Variants in NREP observed in about 807,000 individuals in gnomAD.
NREP encodes the protein neuronal regeneration related protein.
NREP carries 5 observed loss-of-function variants against 8.6 expected under a neutral mutation model. That is an observed-to-expected ratio of 0.58 (90% CI 0.30 to 1.22). The LOEUF (loss-of-function observed/expected upper bound fraction) is 1.22, where lower values mean the gene tolerates loss of function less well. Among genes scored for constraint, NREP ranks in the 50% most tolerant of loss-of-function variants. NREP has a pLI of 0.07. For synonymous variants in NREP, 27 were observed against 28.0 expected (o/e 0.96, Z 0.11); for missense variants, 86 against 82.5 (o/e 1.04, Z -0.17).
chr5:111,857,077 A>G (rs1001637688), intron 2 of NREP, among the ~76,000 whole-genome samples: 2 of 152,164 alleles, frequency 1.3e-5, no homozygotes, highest in Non-Finnish European at 2.9e-5. Context: ...GACAAAACAC[A>G]GCTGTAATAG....
intron 2 of NREP, among the ~76,000 whole-genome samples, chr5:111,885,880 C>G (rs1399695392): frequency 6.6e-6 from 1 of 152,112 alleles, no homozygotes; most frequent in Non-Finnish European, 1.5e-5. Context: ...TAGAAGAAAA[C>G]CTAGGCATTA....
intron 2 of NREP, among the ~76,000 whole-genome samples, chr5:111,781,252 G>A (rs949998776): frequency 3.3e-5 from 5 of 152,076 alleles, no homozygotes; most frequent in Non-Finnish European, 7.4e-5. Flanking sequence ...TGGTTTCTGA[G>A]GCTCGGTCAA....
intron 2 of NREP, among the ~76,000 whole-genome samples, chr5:111,840,053 T>C (rs1752989256): frequency 6.6e-6 from 1 of 152,114 alleles, no homozygotes; most frequent in Non-Finnish European, 1.5e-5. Flanking sequence ...CACAAATCAT[T>C]GTTTAGTGAT....
intron 2 of NREP, among the ~76,000 whole-genome samples, chr5:111,964,855 CAAAAAAAAAAAAAAAAAAAAAAAA>C (rs58877839): frequency 5.3e-4 from 24 of 44,884 alleles, no homozygotes; most frequent in South Asian, 1.5e-3. Flanking sequence ...CTTTCAGCAG[CAAAAAAAAAAAAAAAAAAAAAAAA>C]AAAAAAAAAA....
At chr5:111,932,650 G>T (rs1188941865) in intron 2 of NREP, among the ~76,000 whole-genome samples, 1 of 151,968 alleles carries the variant, frequency 6.6e-6, no homozygotes, top group Non-Finnish European at 1.5e-5. Context: ...GCAGGAAAAT[G>T]TTTCATCTGA....
chr5:111,843,881 G>A (rs768740724), intron 2 of NREP, among the ~76,000 whole-genome samples: 5 of 152,180 alleles, frequency 3.3e-5, no homozygotes, highest in Non-Finnish European at 5.9e-5. Context: ...GTTCACAGAG[G>A]ATAGTCTAAG....
intron 2 of NREP, among the ~76,000 whole-genome samples, chr5:111,780,529 G>A (rs1751467879): frequency 6.6e-6 from 1 of 152,110 alleles, no homozygotes; most frequent in Non-Finnish European, 1.5e-5. Flanking sequence ...CATCAGTCAA[G>A]TCAGTGTAAC....
rs181308331 is a variant in NREP at position 111,942,109 on chromosome 5, T to C, written c.135+33165A>G. Among the ~76,000 whole-genome samples, 12 of 152,214 alleles carry C rather than the reference T, an allele frequency of 7.9e-5. No homozygotes were observed. The East Asian group carries it at 9.7e-4, about 12-fold the overall frequency. ...CATTTTATTACCATAAAAACAGTTA[T>C]ATTAACTTAGCTTCACAAAAGTTAT... is the stretch of plus-strand genomic sequence containing the variant. On this transcript the variant is annotated intron_variant, in intron 2 of 3. Coordinates refer to the NREP transcript ENST00000395634.
chr5:111,970,996 A>G (rs796112275), intron 2 of NREP, among the ~76,000 whole-genome samples: 12 of 152,274 alleles, frequency 7.9e-5, no homozygotes, highest in African/African-American at 2.9e-4. Flanking sequence ...CCAAGGCAGC[A>G]TCCTTAGGTG....
chr5:111,967,268 C>T (rs1162336407), intron 2 of NREP, among the ~76,000 whole-genome samples: 2 of 140,194 alleles, frequency 1.4e-5, no homozygotes, highest in Non-Finnish European at 3.1e-5. Context: ...CTTCTCTCTC[C>T]TTTGTCCAAC....
intron 2 of NREP, among the ~76,000 whole-genome samples, chr5:111,875,943 T>C (rs1041384628): frequency 6.6e-6 from 1 of 151,644 alleles, no homozygotes; most frequent in South Asian, 2.1e-4. Context: ...ATGTAAGGGG[T>C]TTTATACATG....
At chr5:111,824,157 T>C (rs1752570048) in intron 2 of NREP, among the ~76,000 whole-genome samples, 1 of 152,070 alleles carries the variant, frequency 6.6e-6, no homozygotes, top group Non-Finnish European at 1.5e-5. Flanking sequence ...GATCACGAGG[T>C]CAGGAGATCA....
intron 2 of NREP, among the ~76,000 whole-genome samples, chr5:111,886,942 T>A (rs1360598123): frequency 6.6e-6 from 1 of 151,656 alleles, no homozygotes; most frequent in Non-Finnish European, 1.5e-5. Context: ...CTGCACATTG[T>A]GCACATGTAC....
intron 2 of NREP, among the ~76,000 whole-genome samples, chr5:111,965,242 C>T (rs533405145): frequency 2.0e-5 from 3 of 152,188 alleles, no homozygotes; most frequent in South Asian, 2.1e-4. Context: ...TCTCCCACCT[C>T]GTAGGCAAGA....
chr5:111,797,572 T>TA lies in NREP; in HGVS notation c.136-62066dup, dbSNP rs563168667. Among the ~76,000 whole-genome samples the TA allele has an allele frequency of 3.9e-5, 6 of 152,338 alleles. No individual in the cohort carries two copies. The East Asian group carries it at 1.2e-3, about 29-fold the overall frequency. On this transcript the variant is annotated intron_variant, in intron 2 of 3. Coordinates refer to the NREP transcript ENST00000395634. ...AAGCTGATAATATTGCTGGATCTCTTAGAGTGTCTGCAGCTAAACTGGGAA... is the reference window on the plus strand; with the variant it reads ...AAGCTGATAATATTGCTGGATCTCTTAAGAGTGTCTGCAGCTAAACTGGGAA...
chr5:111,883,153 CA>C (rs1414071093), intron 2 of NREP, among the ~76,000 whole-genome samples: 2 of 151,708 alleles, frequency 1.3e-5, no homozygotes, highest in African/African-American at 4.8e-5. Context: ...AAATGGAAAA[CA>C]AAAAAAGGCA....
upstream of NREP, among the ~76,000 whole-genome samples, chr5:111,762,071 T>C (rs1750972497): frequency 1.3e-5 from 2 of 151,960 alleles, no homozygotes; most frequent in South Asian, 4.2e-4. Context: ...TGAGTAAATA[T>C]GAATGGCCCA....
chr5:111,884,304 A>AC (rs1754176688), intron 2 of NREP, among the ~76,000 whole-genome samples: 3 of 151,762 alleles, frequency 2.0e-5, no homozygotes, highest in African/African-American at 7.3e-5. Flanking sequence ...TAGACCAATA[A>AC]CAGGAGCTGA....
chr5:111,847,897 T>C (rs1465517566), intron 2 of NREP, among the ~76,000 whole-genome samples: 1 of 152,338 alleles, frequency 6.6e-6, no homozygotes, highest in East Asian at 1.9e-4. Flanking sequence ...ACATGTCTTC[T>C]TTCTAGTTCT....
Sources: gnomAD v4.1 joint callset for allele counts (sites outside exome capture counted in the v4.1 genomes callset) on GRCh38, gnomAD v4.1.1 for gene constraint, MANE v1.5 for transcripts, NCBI Gene and HGNC (gene_info 2026-07-23, HGNC 2026-07-21) for gene names.